The following VAC14 variants were observed in gnomAD, a reference collection of about 807,000 sequenced individuals.
The protein encoded by VAC14 is VAC14 component of PIKFYVE complex.
In VAC14, 47 loss-of-function variants were observed where a neutral mutation model predicts 85.3. The ratio of observed to expected loss-of-function variants is 0.55; its 90% CI spans 0.44 to 0.70. The LOEUF is 0.70. Among genes scored for constraint, VAC14 ranks in the 30% least tolerant of loss-of-function variants. The probability of loss-of-function intolerance (pLI) is 0.00; values close to 1 mark genes in which losing one functional copy is unlikely to be tolerated. For synonymous variants in VAC14, 447 were observed against 430.5 expected, an observed-to-expected ratio of 1.04 and a Z score of -0.47; for missense variants, 861 against 1,004.3, an observed-to-expected ratio of 0.86 and a Z score of 1.93.
rs764863847 is a variant in VAC14 at position 70,783,501 on chromosome 16, C to T, written c.648G>A (p.Glu216=). The T allele has an allele frequency of 1.2e-6, 2 of 1,613,974 alleles. No individual in the cohort carries two copies. The highest frequency in any genetic ancestry group is 1.1e-5 in the South Asian group (1 of 91,086). ...GGATCTGGAAGAGTCCATCCAGGAT[C>T]TCCGGCAGGTAATCCAGCAGGTTAA... ...PDINLLDYLP[E]ILDGLFQILG... is the part of the protein sequence containing the mutation. Residue 216 remains glutamate (E), a synonymous_variant, in exon 6 of 19, where the codon GAG becomes GAA. Transcript: ENST00000261776.
intron 18 of VAC14, chr16:70,690,244 G>A: frequency 1.0e-6 from 1 of 985,486 alleles, no homozygotes; most frequent in East Asian, 1.1e-4. Flanking sequence ...CTTGGGAGCA[G>A]GGCGGGCTGT....
At position 70,687,881 on chromosome 16, in the gene VAC14, A is replaced by G. The variant is rs765002098; in HGVS notation, c.*47T>C. The G allele has an allele frequency of 5.6e-6, 8 of 1,436,154 alleles. No homozygotes were observed. Among genetic ancestry groups the G allele is most frequent in the Non-Finnish European group, 5.5e-6 (6 of 1,084,928 alleles). The allele number at this position is 1,436,154 out of a possible 1,614,324, so 89.0% of individuals were successfully genotyped here. A position where few individuals can be genotyped will look rare whatever the true frequency, so the allele number is the denominator to read the frequency against. Reference sequence around the variant, plus strand: ...TCCTCGGGAGGGCGTGACGACCCTTAGTGTTTCATGGGACCACTCGGTGGG... The same window carrying G: ...TCCTCGGGAGGGCGTGACGACCCTTGGTGTTTCATGGGACCACTCGGTGGG... On this transcript the variant is annotated 3_prime_UTR_variant, in exon 19 of 19. Coordinates refer to ENST00000261776, the MANE Select transcript of VAC14 (RefSeq NM_018052.5).
At chr16:70,784,914 A>C in intron 3 of VAC14, 76 bp from the exon 4 acceptor site, 2 of 1,341,120 alleles carry the variant, frequency 1.5e-6, no homozygotes, top group Non-Finnish European at 2.1e-6. Context: ...ATTTCCTGCA[A>C]ATCCGCAGCC....
intron 12 of VAC14, among the ~76,000 whole-genome samples, chr16:70,756,506 C>A (rs775758991): frequency 1.9e-4 from 29 of 152,348 alleles, no homozygotes; most frequent in South Asian, 8.3e-4. Context: ...GCAGGGGGTG[C>A]TTCCCAGCGC....
chr16:70,735,839 T>C (rs549027154), intron 13 of VAC14, among the ~76,000 whole-genome samples: 4 of 152,376 alleles, frequency 2.6e-5, no homozygotes, highest in South Asian at 2.1e-4. Flanking sequence ...GACTCTGGAA[T>C]GGCAAAGAGT....
At chr16:70,772,911 G>A (rs2033317740) in intron 9 of VAC14, 1 of 152,212 alleles carries the variant, frequency 6.6e-6, no homozygotes. Flanking sequence ...AAGGGATGAA[G>A]TACTGATGCA....
chr16:70,784,266 C>G, intron 4 of VAC14, 46 bp from the exon 5 acceptor site: 1 of 1,528,662 alleles, frequency 6.5e-7, no homozygotes, highest in Non-Finnish European at 9.0e-7. Context: ...GAGACCAGGG[C>G]TGCCTGACCT....
At chr16:70,786,769 T>C (rs1161025320) in intron 1 of VAC14, among the ~76,000 whole-genome samples, 1 of 152,176 alleles carries the variant, frequency 6.6e-6, no homozygotes, top group African/African-American at 2.4e-5. Flanking sequence ...CTGGGACACA[T>C]AGCTGAATCA....
chr16:70,786,378 G>T lies in VAC14; in HGVS notation c.105-13C>A. ...CTCCCGGACCAGCCTGGAGAGAGAGGAGAGAGGGGCTGTGGGAATCAGGCT... is the reference window on the plus strand; with the variant it reads ...CTCCCGGACCAGCCTGGAGAGAGAGTAGAGAGGGGCTGTGGGAATCAGGCT... On this transcript the variant is annotated splice_polypyrimidine_tract_variant and intron_variant, in intron 1 of 18. Coordinates refer to ENST00000261776, the MANE Select transcript of VAC14 (RefSeq NM_018052.5). 5 of 1,611,882 alleles carry T rather than the reference G, an allele frequency of 3.1e-6. No individual in the cohort carries two copies. Among genetic ancestry groups the T allele is most frequent in the Non-Finnish European group, 4.2e-6 (5 of 1,178,142 alleles).
chr16:70,752,416 C>T (rs561212379), intron 12 of VAC14, among the ~76,000 whole-genome samples: 2 of 152,356 alleles, frequency 1.3e-5, no homozygotes, highest in African/African-American at 4.8e-5. Flanking sequence ...CAAGGTCTCC[C>T]CTCCTTCCAG....
chr16:70,770,458 T>C (rs1299865675), intron 10 of VAC14: 10 of 152,282 alleles, frequency 6.6e-5, no homozygotes, highest in Admixed American at 5.9e-4. Context: ...GTAATACTAC[T>C]GACCCCACGA....
At chr16:70,755,210 C>G in intron 12 of VAC14, 1 of 348,932 alleles carries the variant, frequency 2.9e-6, no homozygotes. Flanking sequence ...ATGGAGAGGG[C>G]TTCTGGACTG....
intron 14 of VAC14, among the ~76,000 whole-genome samples, chr16:70,729,470 G>A (rs1036093318): frequency 6.6e-6 from 1 of 152,038 alleles, no homozygotes; most frequent in African/African-American, 2.4e-5. Flanking sequence ...CTCCACCTCA[G>A]CTCCTGAGCT....
chr16:70,763,979 G>A (rs1383284750), intron 10 of VAC14, among the ~76,000 whole-genome samples: 1 of 152,198 alleles, frequency 6.6e-6, no homozygotes, highest in Non-Finnish European at 1.5e-5. Context: ...TTCCCAAATG[G>A]TGCCGACAGG....
intron 12 of VAC14, among the ~76,000 whole-genome samples, chr16:70,746,209 C>T (rs1358163308): frequency 1.3e-5 from 2 of 152,208 alleles, no homozygotes; most frequent in African/African-American, 4.8e-5. Context: ...TTTGCTTGCT[C>T]ACCCATTCCC....
chr16:70,790,888 G>A (rs113353827), intron 1 of VAC14, among the ~76,000 whole-genome samples: 29 of 152,328 alleles, frequency 1.9e-4, no homozygotes, highest in African/African-American at 2.9e-4. Flanking sequence ...GAAAACAGGC[G>A]TCAGGCAGAC....
chr16:70,731,280 C>A, intron 14 of VAC14: 1 of 1,325,568 alleles, frequency 7.5e-7, no homozygotes, highest in Non-Finnish European at 9.6e-7. Context: ...TTCAGTTGTG[C>A]GGAAAAACAT....
intron 12 of VAC14, chr16:70,761,097 C>T (rs2032337954): frequency 4.6e-6 from 2 of 430,134 alleles, no homozygotes; most frequent in South Asian, 1.7e-5. Context: ...TCTGGTAATA[C>T]AGAAAACCTC....
chr16:70,773,348 A>G (rs1022207106), intron 9 of VAC14: 3 of 152,252 alleles, frequency 2.0e-5, no homozygotes, highest in African/African-American at 7.2e-5. Flanking sequence ...TTACCATCAT[A>G]TAACCCAGGG....
Sources: allele counts gnomAD v4.1 joint callset (sites outside exome capture counted in the v4.1 genomes callset), GRCh38; gene constraint gnomAD v4.1.1; transcripts MANE v1.5; gene names NCBI Gene and HGNC (gene_info 2026-07-23, HGNC 2026-07-21).